POLGARF: variants seen among roughly 807,000 people sequenced by gnomAD.
POLGARF encodes the protein POLG alternative reading frame.
chr15:89,333,502 C>T, the POLGARF span: 19 of 1,612,796 alleles, frequency 1.2e-5, no homozygotes, highest in Non-Finnish European at 1.6e-5. Flanking sequence ...AAGATTTGCT[C>T]GTGCAGCCCT....
chr15:89,330,464 C>T, the POLGARF span, among the ~76,000 whole-genome samples: 30 of 152,246 alleles, frequency 2.0e-4, no homozygotes, highest in Non-Finnish European at 3.7e-4. Context: ...TGTGTGCTGG[C>T]GGGCAAGAGC....
At chr15:89,332,646 G>C in the POLGARF span, among the ~76,000 whole-genome samples, 19 of 151,918 alleles carry the variant, frequency 1.3e-4, no homozygotes, top group Non-Finnish European at 2.2e-4. Context: ...TATGGGAAAG[G>C]CTGGGGATGC....
the POLGARF span, chr15:89,333,065 T>C: frequency 6.6e-7 from 1 of 1,503,924 alleles, no homozygotes; most frequent in Non-Finnish European, 8.9e-7. Flanking sequence ...CCCCCATGCC[T>C]GCTTATGTCC....
chr15:89,333,596 TTGCTGCTGCTGCTGCTGC>T, the POLGARF span: 147 of 1,598,104 alleles, frequency 9.2e-5, no homozygotes, highest in African/African-American at 1.5e-4. Context: ...GAGGCTGCTG[TTGCTGCTGCTGCTGCTGC>T]TGCTGCTGCT....
chr15:89,331,128 T>C, the POLGARF span, among the ~76,000 whole-genome samples: 1 of 133,796 alleles, frequency 7.5e-6, no homozygotes, highest in East Asian at 2.0e-4. Flanking sequence ...AGGAGCTCCT[T>C]GCAACCTTTA....
At chr15:89,333,026 T>A in the POLGARF span, 1 of 1,487,346 alleles carries the variant, frequency 6.7e-7, no homozygotes, top group Non-Finnish European at 8.9e-7. Context: ...CCTCAGAAAA[T>A]GTTCACTGAA....
At chr15:89,333,403 C>G in the POLGARF span, 1 of 1,600,940 alleles carries the variant, frequency 6.2e-7, no homozygotes. Flanking sequence ...GGCAAGGGCA[C>G]GGCTGGCTGC....
the POLGARF span, chr15:89,330,249 C>T: frequency 3.7e-6 from 6 of 1,612,438 alleles, no homozygotes; most frequent in Admixed American, 5.0e-5. Context: ...AACGCTCTTC[C>T]ACCAGCCGCT....
At chr15:89,330,245 C>A in the POLGARF span, 1 of 1,612,464 alleles carries the variant, frequency 6.2e-7, no homozygotes, top group Non-Finnish European at 8.5e-7. Flanking sequence ...GAGTAACGCT[C>A]TTCCACCAGC....
At chr15:89,333,476 C>T in the POLGARF span, 3 of 1,612,308 alleles carry the variant, frequency 1.9e-6, no homozygotes, top group Non-Finnish European at 2.5e-6. Context: ...CGCCAGGCAT[C>T]TCCCCTCCTT....
At chr15:89,333,207 T>TCCCCCTCGGGGCCGTACCGGGTCCAGCCC in the POLGARF span, 1 of 1,573,372 alleles carries the variant, frequency 6.4e-7, no homozygotes, top group Non-Finnish European at 8.6e-7. Flanking sequence ...GGGTACGGCC[T>TCCCCCTCGGGGCCGTACCGGGTCCAGCCC]CCCCCTCGGG....
At chr15:89,333,596 TTGCTGCTGCTGCTGC>T in the POLGARF span, 230 of 1,598,104 alleles carry the variant, frequency 1.4e-4, no homozygotes, top group African/African-American at 3.4e-4. Flanking sequence ...GAGGCTGCTG[TTGCTGCTGCTGCTGC>T]TGCTGCTGCT....
At chr15:89,330,329 T>A in the POLGARF span, 2 of 1,398,340 alleles carry the variant, frequency 1.4e-6, no homozygotes, top group Non-Finnish European at 2.0e-6. Context: ...AAACTTCCAC[T>A]CCACAACAAC....
the POLGARF span, chr15:89,333,643 C>T: frequency 2.5e-6 from 4 of 1,589,060 alleles, no homozygotes; most frequent in Middle Eastern, 3.3e-4. Flanking sequence ...CGCCGCTGCC[C>T]GTCGCTGGGG....
At chr15:89,333,526 G>A in the POLGARF span, 1 of 1,612,882 alleles carries the variant, frequency 6.2e-7, no homozygotes, top group Non-Finnish European at 8.5e-7. Flanking sequence ...GAGAGCATCT[G>A]GATGTCCAAT....
chr15:89,331,750 CT>C, the POLGARF span, among the ~76,000 whole-genome samples: 1 of 152,132 alleles, frequency 6.6e-6, no homozygotes, highest in Non-Finnish European at 1.5e-5. Context: ...AAGTGGACCG[CT>C]ATTAGGGCAC....
At chr15:89,331,089 G>A in the POLGARF span, among the ~76,000 whole-genome samples, 3 of 152,206 alleles carry the variant, frequency 2.0e-5, no homozygotes, top group African/African-American at 4.8e-5. Context: ...AGTGAGTGAC[G>A]AGGCCACGTG....
At chr15:89,333,126 G>A in the POLGARF span, 10 of 1,524,902 alleles carry the variant, frequency 6.6e-6, no homozygotes, top group Non-Finnish European at 8.8e-6. Flanking sequence ...CACCGCCAAT[G>A]TGGGGCAAGT....
At chr15:89,332,616 G>GGT in the POLGARF span, among the ~76,000 whole-genome samples, 9 of 150,902 alleles carry the variant, frequency 6.0e-5, no homozygotes, top group Non-Finnish European at 3.0e-5. Context: ...AGGGGGGCGG[G>GGT]GGGGTGTTGG....
Sources: allele counts gnomAD v4.1 joint callset (sites outside exome capture counted in the v4.1 genomes callset), GRCh38; gene constraint gnomAD v4.1.1; transcripts MANE v1.5; gene names NCBI Gene and HGNC (gene_info 2026-07-23, HGNC 2026-07-21).